The following DLGAP2 variants were observed in gnomAD, a reference collection of about 807,000 sequenced individuals.
DLGAP2 encodes the protein disks large-associated protein 2.
Under a neutral mutation model 100.3 loss-of-function variants are expected in DLGAP2, and 26 were observed. The observed-to-expected ratio is 0.26, with a 90% CI of 0.19 to 0.36. The LOEUF (loss-of-function observed/expected upper bound fraction) is 0.36, where lower values mean the gene tolerates loss of function less well. DLGAP2 is among the 10% of genes least tolerant of loss of function. The probability of loss-of-function intolerance (pLI) is 1.00; values close to 1 mark genes in which losing one functional copy is unlikely to be tolerated. For missense variants in DLGAP2, 1,858 were observed against 1,453.2 expected, an observed-to-expected ratio of 1.28 and a Z score of -4.53; for synonymous variants, 886 against 630.1, an observed-to-expected ratio of 1.41 and a Z score of -6.08.
chr8:936,744 T>C (rs1347318763), intron 2 of DLGAP2, among the ~76,000 whole-genome samples: 1 of 152,078 alleles, frequency 6.6e-6, no homozygotes, highest in East Asian at 1.9e-4. Context: ...AGCATGGAGG[T>C]GGCAGGGAGC....
chr8:861,068 TGAG>T (rs1325075787), intron 1 of DLGAP2, among the ~76,000 whole-genome samples: 2 of 151,862 alleles, frequency 1.3e-5, no homozygotes, highest in Non-Finnish European at 2.9e-5. Flanking sequence ...GGAGGGGACA[TGAG>T]GAGAGGGAGT....
At chr8:1,581,684 C>G (rs1318580411) in intron 6 of DLGAP2, among the ~76,000 whole-genome samples, 1 of 148,330 alleles carries the variant, frequency 6.7e-6, no homozygotes, top group South Asian at 2.2e-4. Flanking sequence ...AGACAAAACT[C>G]CACACATATA....
At chr8:853,225 A>C (rs1009780133) in intron 1 of DLGAP2, among the ~76,000 whole-genome samples, 1 of 152,204 alleles carries the variant, frequency 6.6e-6, no homozygotes, top group Non-Finnish European at 1.5e-5. Flanking sequence ...GACGCGGAGC[A>C]TGGTCATCAG....
At chr8:810,973 G>A (rs562755931) in intron 1 of DLGAP2, among the ~76,000 whole-genome samples, 7 of 152,278 alleles carry the variant, frequency 4.6e-5, no homozygotes, top group Non-Finnish European at 1.0e-4. Flanking sequence ...AAGAGCGTAC[G>A]GCGGGGTGAA....
intron 5 of DLGAP2, among the ~76,000 whole-genome samples, chr8:1,551,859 T>A (rs148680785): frequency 6.6e-6 from 1 of 152,298 alleles, no homozygotes; most frequent in African/African-American, 2.4e-5. Flanking sequence ...AGTGGTCACA[T>A]TCCCCTGAGG....
chr8:1,659,453 C>T (rs1265918367), intron 8 of DLGAP2, among the ~76,000 whole-genome samples: 2 of 152,166 alleles, frequency 1.3e-5, no homozygotes, highest in African/African-American at 4.8e-5. Context: ...GTTAAAGTCT[C>T]CCACTATTAT....
At chr8:821,641 G>C (rs997348743) in intron 1 of DLGAP2, among the ~76,000 whole-genome samples, 1 of 152,180 alleles carries the variant, frequency 6.6e-6, no homozygotes, top group African/African-American at 2.4e-5. Flanking sequence ...CTCTGGTACT[G>C]GTTGTTTGTT....
intron 2 of DLGAP2, among the ~76,000 whole-genome samples, chr8:1,251,758 C>A (rs1440602859): frequency 6.6e-6 from 1 of 152,196 alleles, no homozygotes; most frequent in Non-Finnish European, 1.5e-5. Context: ...CGTACAGTCA[C>A]GTTGTCATCT....
chr8:1,447,956 A>G (rs185592191), intron 3 of DLGAP2, among the ~76,000 whole-genome samples: 5 of 151,544 alleles, frequency 3.3e-5, no homozygotes, highest in Admixed American at 1.3e-4. Context: ...TTTTTATTGC[A>G]TCTATTTGAT....
At chr8:1,203,383 G>T (rs1797922723) in intron 2 of DLGAP2, among the ~76,000 whole-genome samples, 1 of 151,500 alleles carries the variant, frequency 6.6e-6, no homozygotes, top group African/African-American at 2.4e-5. Flanking sequence ...GTCCTTCGGT[G>T]ACGAGGCCGC....
At chr8:1,567,886 C>G (rs1287519022) in intron 6 of DLGAP2, among the ~76,000 whole-genome samples, 2 of 152,248 alleles carry the variant, frequency 1.3e-5, no homozygotes, top group Non-Finnish European at 2.9e-5. Flanking sequence ...ACCAACAGCC[C>G]TTAACACCTG....
intron 3 of DLGAP2, among the ~76,000 whole-genome samples, chr8:1,431,709 G>A (rs773008502): frequency 2.0e-5 from 3 of 152,150 alleles, no homozygotes; most frequent in East Asian, 1.9e-4. Flanking sequence ...ACTGGCTCCC[G>A]GGCTTACTCT....
chr8:753,222 G>A (rs1423245489), intron 1 of DLGAP2, among the ~76,000 whole-genome samples: 3 of 152,154 alleles, frequency 2.0e-5, no homozygotes, highest in Admixed American at 6.5e-5. Flanking sequence ...GGAGGGGCCC[G>A]GTATTTATGA....
At chr8:1,330,791 C>T (rs181246816) in intron 3 of DLGAP2, among the ~76,000 whole-genome samples, 3,481 of 135,538 alleles carry the variant, frequency 0.026, 103 homozygotes, top group Non-Finnish European at 0.036. Context: ...GGTGGGAGCA[C>T]TGCTTCACGG....
intron 2 of DLGAP2, among the ~76,000 whole-genome samples, chr8:1,236,268 G>A (rs1467481493): frequency 4.8e-4 from 14 of 28,944 alleles, no homozygotes; most frequent in African/African-American, 1.1e-3. Context: ...ACATGGTGCC[G>A]TTTCTAGTTC....
intron 1 of DLGAP2, among the ~76,000 whole-genome samples, chr8:764,566 G>T (rs1390763946): frequency 6.6e-6 from 1 of 152,212 alleles, no homozygotes; most frequent in Non-Finnish European, 1.5e-5. Context: ...GTCTAGCCTT[G>T]TCACCCGAGT....
At chr8:952,098 C>T (rs1465458836) in intron 2 of DLGAP2, among the ~76,000 whole-genome samples, 1 of 152,208 alleles carries the variant, frequency 6.6e-6, no homozygotes, top group Admixed American at 6.5e-5. Context: ...CATTTTCTCT[C>T]CAGGTGTGGA....
At chr8:1,230,081 C>T (rs529714659) in intron 2 of DLGAP2, among the ~76,000 whole-genome samples, 39 of 151,822 alleles carry the variant, frequency 2.6e-4, no homozygotes, top group African/African-American at 9.2e-4. Flanking sequence ...TATTTGTCTT[C>T]ACAGATGATA....
intron 1 of DLGAP2, among the ~76,000 whole-genome samples, chr8:750,077 C>T (rs1263995381): frequency 6.6e-6 from 1 of 152,270 alleles, no homozygotes; most frequent in Admixed American, 6.5e-5. Context: ...TAGTTCATCA[C>T]CTCTGCAAAG....
Sources: allele counts gnomAD v4.1 joint callset (sites outside exome capture counted in the v4.1 genomes callset), GRCh38; gene constraint gnomAD v4.1.1; transcripts MANE v1.5; gene names NCBI Gene and HGNC (gene_info 2026-07-23, HGNC 2026-07-21).